ACSL6: variants seen among roughly 807,000 people sequenced by gnomAD.
ACSL6 encodes the protein acyl-CoA synthetase long chain family member 6, also known as long-chain-fatty-acid--CoA ligase 6.
A neutral mutation model predicts 98.2 loss-of-function variants in ACSL6; 47 were observed. That is an observed-to-expected ratio of 0.48 (90% CI 0.38 to 0.61). The LOEUF is 0.61. Among genes scored for constraint, ACSL6 ranks in the 20% least tolerant of loss-of-function variants. The pLI is 0.00. For synonymous variants in ACSL6, 362 were observed against 336.9 expected (o/e 1.07, Z -0.82); for missense variants, 761 against 913.4 (o/e 0.83, Z 2.15).
In ACSL6 at chr5:131,976,692, C is replaced by A. The variant is rs201673820; in HGVS notation, c.946G>T (p.Gly316Trp). Residue 316 changes from glycine to tryptophan, a missense_variant, in exon 10 of 21, where the codon GGG (glycine) becomes TGG (tryptophan). Coordinates refer to ENST00000651883, the MANE Select transcript of ACSL6 (RefSeq NM_001009185.3). Reference sequence around the variant, plus strand: ...CCTGAGAAATCAGCCACCACGTTCCCATGGGTGAGCATCGCACCTTTTGGG... The same window carrying A: ...CCTGAGAAATCAGCCACCACGTTCCAATGGGTGAGCATCGCACCTTTTGGG... ...GNPKGAMLTH[G>W]NVVADFSGFL... The A allele has an allele frequency of 1.2e-6, 2 of 1,614,190 alleles. No individual in the cohort carries two copies. Among genetic ancestry groups the A allele is most frequent in the Admixed American group, 3.3e-5 (2 of 60,028 alleles).
chr5:131,979,609 G>A (rs937237385), intron 9 of ACSL6, among the ~76,000 whole-genome samples: 1 of 152,186 alleles, frequency 6.6e-6, no homozygotes, highest in Non-Finnish European at 1.5e-5. Context: ...ATGGCATATG[G>A]AATTTTAAAA....
intron 9 of ACSL6, among the ~76,000 whole-genome samples, chr5:131,977,064 T>A (rs1753661470): frequency 6.6e-6 from 1 of 152,158 alleles, no homozygotes; most frequent in African/African-American, 2.4e-5. Context: ...CCGAGTCCCC[T>A]TACATATAGC....
At position 132,010,133 on chromosome 5, in the gene ACSL6, C is replaced by T. The variant is rs370228155; in HGVS notation, c.49+1372G>A. ...GTGCCTCAGGACCAGAGTGCCCCTG[C>T]ACAGCCAGTCACAGACACTGGCAGA... On this transcript the variant is annotated intron_variant, in intron 1 of 20. Coordinates refer to ENST00000651883, the MANE Select transcript of ACSL6 (RefSeq NM_001009185.3). 2.1e-4 allele frequency among the ~76,000 whole-genome samples: 32 copies of T among 152,356 alleles called. No individual in the cohort carries two copies. In the South Asian group the frequency reaches 6.4e-3, roughly 31 times the overall value.
At chr5:131,957,865 G>A (rs1371067913) in intron 20 of ACSL6, among the ~76,000 whole-genome samples, 4 of 152,174 alleles carry the variant, frequency 2.6e-5, no homozygotes, top group Non-Finnish European at 1.5e-5. Context: ...ATGGTAGGGA[G>A]GATGTCATAG....
At position 131,970,141 on chromosome 5, in the gene ACSL6, G is replaced by A. The variant is rs138919958; in HGVS notation, c.1494C>T (p.Gly498=). ...AGCCCATCCTACCTGAGGTCCAGTC[G>A]CCAGGAGTGGTGAAGGTACATCCAG... is the stretch of plus-strand genomic sequence containing the variant. ...CTAGCTFTTP[G]DWTSGHVGAP... is the part of the protein sequence containing the mutation. The change falls in exon 15 of 21, where the codon GGC becomes GGT. Residue 498 remains glycine (G), a synonymous_variant. Transcript: ENST00000651883. 7.9e-5 allele frequency: 127 copies of A among 1,614,112 alleles called. No homozygotes were observed. Among genetic ancestry groups the A allele is most frequent in the African/African-American group, 4.8e-4 (36 of 75,024 alleles).
chr5:131,963,930 T>C (rs1355722205), intron 17 of ACSL6, among the ~76,000 whole-genome samples: 2 of 152,210 alleles, frequency 1.3e-5, no homozygotes, highest in African/African-American at 4.8e-5. Context: ...TCAGAAAGCT[T>C]AGTTAACTCC....
At chr5:131,991,294 C>T (rs148695062) in intron 2 of ACSL6, among the ~76,000 whole-genome samples, 5 of 152,296 alleles carry the variant, frequency 3.3e-5, no homozygotes, top group Admixed American at 6.5e-5. Context: ...AGTTAATGTT[C>T]GTACACACCC....
intron 17 of ACSL6, 50 bp downstream of exon 17, chr5:131,966,366 A>C (rs1580635770): frequency 6.4e-7 from 1 of 1,572,726 alleles, no homozygotes; most frequent in Non-Finnish European, 8.7e-7. Context: ...CGGACCACAC[A>C]CCCTCCCACT....
intron 1 of ACSL6, among the ~76,000 whole-genome samples, chr5:131,998,354 T>A (rs549848914): frequency 6.6e-6 from 1 of 152,268 alleles, no homozygotes; most frequent in Admixed American, 6.5e-5. Flanking sequence ...ATATCCGACA[T>A]CTTTTTCTCC....
At chr5:131,966,614 T>C (rs1031892317) in intron 16 of ACSL6, 82 bp from the exon 17 acceptor site, 61 of 1,197,860 alleles carry the variant, frequency 5.1e-5, no homozygotes, top group Admixed American at 5.1e-4. Context: ...CATACGGAGA[T>C]AAGGTGCACT....
In ACSL6 at chr5:131,970,277, A is replaced by G. The variant is rs1021186852; in HGVS notation, c.1435-77T>C. The G allele has an allele frequency of 3.0e-6, 4 of 1,335,314 alleles. No homozygotes were observed. The East Asian group carries it at 9.2e-5, about 31-fold the overall frequency. 82.7% of individuals were successfully genotyped at this position (1,335,314 alleles called of 1,614,324 possible). Reference sequence around the variant, plus strand: ...AACTGGCCACCCCTTCCAGACAGCTAACCTCCCACTGAGCGTGTCTGACTG... The same window carrying G: ...AACTGGCCACCCCTTCCAGACAGCTGACCTCCCACTGAGCGTGTCTGACTG... On this transcript the variant is annotated intron_variant, in intron 14 of 20. Coordinates refer to ENST00000651883, the MANE Select transcript of ACSL6 (RefSeq NM_001009185.3).
At chr5:131,991,853 G>A (rs1274876859) in intron 2 of ACSL6, among the ~76,000 whole-genome samples, 1 of 152,178 alleles carries the variant, frequency 6.6e-6, no homozygotes, top group East Asian at 1.9e-4. Context: ...AAAGCAAACA[G>A]CCGAACTCAA....
intron 12 of ACSL6, 151 bp downstream of exon 12, chr5:131,973,115 G>T: frequency 8.7e-7 from 1 of 1,154,528 alleles, no homozygotes; most frequent in East Asian, 2.5e-5. Flanking sequence ...GGAGAAGGAA[G>T]AATGAGAAAG....
chr5:131,994,356 G>T, intron 1 of ACSL6, 105 bp from the exon 2 acceptor site: 1 of 1,029,384 alleles, frequency 9.7e-7, no homozygotes, highest in Non-Finnish European at 1.4e-6. Context: ...TGTAGGGCAG[G>T]CCCTCGGGGA....
chr5:131,994,621 C>T (rs1754699451), intron 1 of ACSL6: 1 of 300,248 alleles, frequency 3.3e-6, no homozygotes, highest in South Asian at 3.7e-5. Flanking sequence ...TGACAGCTGT[C>T]ATAGCATTTT....
chr5:131,954,299 T>C lies in ACSL6; in HGVS notation c.2104A>G (p.Lys702Glu). 1 of 1,614,056 alleles carries C rather than the reference T, an allele frequency of 6.2e-7. No individual in the cohort carries two copies. The highest frequency in any genetic ancestry group is 8.5e-7 in the Non-Finnish European group (1 of 1,179,946). Residue 702 changes from lysine (K) to glutamate (E), a missense_variant, in exon 21 of 21, where the codon AAG (lysine) becomes GAG (glutamate). Coordinates refer to ENST00000651883, the MANE Select transcript of ACSL6 (RefSeq NM_001009185.3). ...AAGTACTCTCTCAGCTCAGGTCTCT[T>C]AGCTTTTAGTGTTGGTGTCAGCAAG... ...NGLLTPTLKA[K>E]RPELREYFKK...
In ACSL6 at chr5:131,972,788, T is replaced by G. The variant is rs750295637; in HGVS notation, c.1274A>C (p.Glu425Ala). The change falls in exon 13 of 21, where the codon GAG becomes GCG. Residue 425 changes from glutamate to alanine, a missense_variant. Glu to Ala is a moderately radical substitution (Grantham distance 107). Transcript: ENST00000651883. ...ATTCCTGATGATTCCACTCCGGACC[T>G]CGGCTTGCTTACGCTTTGCTGCAAA... ...LEFAAKRKQA[E>A]VRSGIIRNDS... 3.4e-5 allele frequency: 55 copies of G among 1,614,096 alleles called. No individual in the cohort carries two copies. Among genetic ancestry groups the G allele is most frequent in the Non-Finnish European group, 4.4e-5 (52 of 1,180,042 alleles).
At chr5:131,962,270 T>G (rs908301105) in intron 18 of ACSL6, among the ~76,000 whole-genome samples, 3 of 152,204 alleles carry the variant, frequency 2.0e-5, no homozygotes, top group African/African-American at 7.2e-5. Flanking sequence ...AATCTTGCTC[T>G]AGTATTTTAT....
intron 19 of ACSL6, 35 bp downstream of exon 19, chr5:131,960,485 A>T: frequency 6.4e-7 from 1 of 1,567,972 alleles, no homozygotes; most frequent in Non-Finnish European, 8.7e-7. Context: ...TAAAACATTC[A>T]GTAACCTTTC....
Sources: allele counts gnomAD v4.1 joint callset (sites outside exome capture counted in the v4.1 genomes callset), GRCh38; gene constraint gnomAD v4.1.1; transcripts MANE v1.5; gene names NCBI Gene and HGNC (gene_info 2026-07-23, HGNC 2026-07-21).